FTO: variants seen among roughly 807,000 people sequenced by gnomAD.
FTO encodes the protein alpha-ketoglutarate-dependent dioxygenase FTO.
Under a neutral mutation model 63.9 loss-of-function variants are expected in FTO, and 47 were observed. The observed-to-expected ratio is 0.74, with a 90% confidence interval of 0.58 to 0.94. The LOEUF is 0.94. FTO is among the 40% of genes least tolerant of loss of function. FTO has a pLI of 0.00. For missense variants in FTO, 562 were observed against 618.1 expected (o/e 0.91, Z 0.96); for synonymous variants, 207 against 224.4 (o/e 0.92, Z 0.69).
chr16:53,746,802 C>A (rs1598555196), intron 1 of FTO, among the ~76,000 whole-genome samples: 2 of 152,272 alleles, frequency 1.3e-5, no homozygotes, highest in South Asian at 4.2e-4. Flanking sequence ...ACCTCCCAAA[C>A]TTACTCCTCC....
At chr16:53,710,885 C>T (rs767204223) in intron 1 of FTO, among the ~76,000 whole-genome samples, 3 of 151,454 alleles carry the variant, frequency 2.0e-5, no homozygotes, top group African/African-American at 4.9e-5. Flanking sequence ...CCTTAAGTTA[C>T]AATATAGTGG....
In FTO at chr16:54,100,066, T is replaced by C. The variant is rs572138939; in HGVS notation, c.1365-11696T>C. On this transcript the variant is annotated intron_variant, in intron 8 of 8. Transcript: ENST00000471389. The stretch of plus-strand genomic sequence containing the variant: ...TAAGAGTCACCTATGAAAATGAAGA[T>C]TCCCAGGACATTCACCTGGAAAGTC... Among the ~76,000 whole-genome samples the C allele has an allele frequency of 2.6e-5, 4 of 152,288 alleles. No homozygotes were observed. The East Asian group carries it at 7.7e-4, about 29-fold the overall frequency.
chr16:53,732,246 T>G (rs1025565816), intron 1 of FTO, among the ~76,000 whole-genome samples: 5 of 151,692 alleles, frequency 3.3e-5, no homozygotes, highest in African/African-American at 1.2e-4. Context: ...AGAGACAGGG[T>G]TTCACCATGT....
chr16:53,877,541 G>C (rs965906975), intron 5 of FTO, among the ~76,000 whole-genome samples: 1 of 152,136 alleles, frequency 6.6e-6, no homozygotes, highest in African/African-American at 2.4e-5. Context: ...TGGAAATGTT[G>C]GTAGAAATCA....
chr16:54,090,595 G>A (rs1413218390), intron 8 of FTO, among the ~76,000 whole-genome samples: 1 of 152,180 alleles, frequency 6.6e-6, no homozygotes, highest in Non-Finnish European at 1.5e-5. Context: ...CAGAATTAAA[G>A]CATGTCATCG....
chr16:53,750,381 G>C (rs2076759536), intron 1 of FTO, among the ~76,000 whole-genome samples: 1 of 151,964 alleles, frequency 6.6e-6, no homozygotes, highest in Non-Finnish European at 1.5e-5. Flanking sequence ...GGGATTACAG[G>C]TGCACGCCAC....
chr16:53,775,125 T>A (rs372462470), intron 1 of FTO, among the ~76,000 whole-genome samples: 1 of 152,146 alleles, frequency 6.6e-6, no homozygotes, highest in Non-Finnish European at 1.5e-5. Flanking sequence ...GAAGGCACAA[T>A]AAGAGGAGAT....
intron 8 of FTO, among the ~76,000 whole-genome samples, chr16:53,945,368 G>A (rs1179967591): frequency 6.6e-6 from 1 of 152,264 alleles, no homozygotes; most frequent in Non-Finnish European, 1.5e-5. Context: ...GCACAGAGGT[G>A]CAGAGTAACT....
intron 8 of FTO, among the ~76,000 whole-genome samples, chr16:53,980,061 C>G (rs1399796972): frequency 6.6e-6 from 1 of 152,204 alleles, no homozygotes; most frequent in East Asian, 1.9e-4. Context: ...GCTTGCTTAG[C>G]TTAGCTTCAT....
chr16:53,895,128 C>T (rs1461897897), intron 7 of FTO, among the ~76,000 whole-genome samples: 3 of 152,148 alleles, frequency 2.0e-5, no homozygotes, highest in Admixed American at 6.6e-5. Context: ...CAATTCCCCA[C>T]AGCTATATTG....
chr16:53,776,742 T>C (rs1245135553), intron 1 of FTO, among the ~76,000 whole-genome samples: 2 of 152,208 alleles, frequency 1.3e-5, no homozygotes, highest in Non-Finnish European at 2.9e-5. Flanking sequence ...CTGTCTAGCT[T>C]GATGCTTGAT....
chr16:54,008,857 AAT>A (rs1408781655), intron 8 of FTO, among the ~76,000 whole-genome samples: 32 of 117,850 alleles, frequency 2.7e-4, no homozygotes, highest in Non-Finnish European at 2.7e-4. Context: ...TAATAATAAT[AAT>A]AAATTAGCTG....
chr16:53,865,927 A>G (rs1005787456), intron 4 of FTO, among the ~76,000 whole-genome samples: 4 of 152,168 alleles, frequency 2.6e-5, no homozygotes, highest in African/African-American at 9.7e-5. Context: ...AGGTCTTCCA[A>G]TATGATACTG....
intron 4 of FTO, among the ~76,000 whole-genome samples, chr16:53,862,155 G>A (rs1020426340): frequency 6.6e-5 from 10 of 152,174 alleles, no homozygotes; most frequent in Non-Finnish European, 1.2e-4. Flanking sequence ...GGCTGAGGCA[G>A]GAGAATCACT....
chr16:53,885,257 ATTAAGT>A (rs1415989092), intron 6 of FTO, among the ~76,000 whole-genome samples: 1 of 152,126 alleles, frequency 6.6e-6, no homozygotes, highest in Non-Finnish European at 1.5e-5. Context: ...TGCCTTCTTA[ATTAAGT>A]TTAAGGAGAG....
chr16:54,063,741 C>T (rs973567751), intron 8 of FTO: 3 of 144,574 alleles, frequency 2.1e-5, no homozygotes, highest in East Asian at 2.0e-4. Flanking sequence ...CAGAGGTATG[C>T]GTAGCTATAT....
intron 2 of FTO, among the ~76,000 whole-genome samples, chr16:53,814,103 C>G (rs974631939): frequency 1.3e-5 from 2 of 152,170 alleles, no homozygotes; most frequent in African/African-American, 4.8e-5. Flanking sequence ...TATTGTCCAC[C>G]TCTTGGTCTA....
chr16:53,735,144 T>G (rs1397297079), intron 1 of FTO, among the ~76,000 whole-genome samples: 1 of 152,216 alleles, frequency 6.6e-6, no homozygotes, highest in Admixed American at 6.5e-5. Flanking sequence ...AAATGAGATT[T>G]TTATCTTTTG....
In FTO at chr16:53,794,903, C is replaced by A. The variant is rs192346691; in HGVS notation, c.46-15237C>A. Among the ~76,000 whole-genome samples the A allele has an allele frequency of 5.7e-4, 87 of 152,122 alleles. 1 individual carries two copies. The highest frequency in any genetic ancestry group is 2.4e-3 in the Admixed American group (37 of 15,262). On this transcript the variant is annotated intron_variant, in intron 1 of 8. Coordinates refer to ENST00000471389, the MANE Select transcript of FTO (RefSeq NM_001080432.3). ...GCCTTCAAAATGCAATACCAAAATA[C>A]TGGAAGAAAATAAATACCAAGAAAG...
Sources: allele counts gnomAD v4.1 joint callset (sites outside exome capture counted in the v4.1 genomes callset), GRCh38; gene constraint gnomAD v4.1.1; transcripts MANE v1.5; gene names NCBI Gene and HGNC (gene_info 2026-07-23, HGNC 2026-07-21).